DCAF8L2: variants seen among roughly 807,000 people sequenced by gnomAD.
DCAF8L2 encodes DDB1- and CUL4-associated factor 8-like protein 2.
For missense variants in DCAF8L2, 430 were observed against 490.7 expected (o/e 0.88, Z 1.17); for synonymous variants, 200 against 190.9 (o/e 1.05, Z -0.39).
At chrX:27,488,759 C>T in the DCAF8L2 span, among the ~76,000 whole-genome samples, 2 of 110,939 alleles carry the variant, frequency 1.8e-5, no homozygotes, top group African/African-American at 6.6e-5. Context: ...CAGGTTCGAG[C>T]TATCCTCTTT....
At chrX:27,667,198 A>C (rs1179469979) in intron 2 of DCAF8L2, among the ~76,000 whole-genome samples, 1 of 111,461 alleles carries the variant, frequency 9.0e-6, no homozygotes, top group Non-Finnish European at 1.9e-5. Flanking sequence ...TGCAGGTTTC[A>C]CCTGACAGAT....
intron 3 of DCAF8L2, among the ~76,000 whole-genome samples, chrX:27,691,280 C>G: frequency 9.0e-6 from 1 of 111,406 alleles, no homozygotes; most frequent in Non-Finnish European, 1.9e-5. Context: ...TTTTGTCTCA[C>G]TTATTTCTGA....
the DCAF8L2 span, among the ~76,000 whole-genome samples, chrX:27,533,180 A>AGAGAGAGAGAGAGAG: frequency 2.7e-3 from 50 of 18,633 alleles, 2 homozygotes; most frequent in East Asian, 0.015. Context: ...GAAAGAAAGA[A>AGAGAGAGAGAGAGAG]AGAAAGAAAG....
At chrX:27,490,571 C>T in the DCAF8L2 span, among the ~76,000 whole-genome samples, 82 of 110,607 alleles carry the variant, frequency 7.4e-4, no homozygotes, top group African/African-American at 2.1e-3. Context: ...AAGCAATTCT[C>T]CTGCCTCAGC....
chrX:27,688,058 A>C (rs1211502052), intron 3 of DCAF8L2, among the ~76,000 whole-genome samples: 1 of 111,840 alleles, frequency 8.9e-6, no homozygotes, highest in African/African-American at 3.2e-5. Context: ...AAAAGAGTGA[A>C]TTAATTATTG....
At chrX:27,687,269 A>G (rs778837593) in intron 3 of DCAF8L2, among the ~76,000 whole-genome samples, 2 of 112,331 alleles carry the variant, frequency 1.8e-5, no homozygotes, top group Non-Finnish European at 3.8e-5. Flanking sequence ...AGTAAAATAT[A>G]TTTATCAAAG....
chrX:27,625,628 G>C (rs994040589), intron 1 of DCAF8L2, among the ~76,000 whole-genome samples: 1 of 112,000 alleles, frequency 8.9e-6, no homozygotes, highest in African/African-American at 3.3e-5. Context: ...ATTAACAGTA[G>C]ACTGGATAAA....
the DCAF8L2 span, among the ~76,000 whole-genome samples, chrX:27,535,066 T>C: frequency 8.9e-6 from 1 of 112,383 alleles, no homozygotes; most frequent in Non-Finnish European, 1.9e-5. Flanking sequence ...AACTCTCTAG[T>C]CTTTACACTA....
chrX:27,629,494 T>TTC (rs1195068614), intron 1 of DCAF8L2, among the ~76,000 whole-genome samples: 2 of 108,118 alleles, frequency 1.8e-5, no homozygotes, highest in East Asian at 2.9e-4. Flanking sequence ...TTCCTTCCTT[T>TTC]TCTCTCTCTC....
intron 1 of DCAF8L2, chrX:27,627,356 A>G (rs929665825): frequency 2.7e-5 from 3 of 110,688 alleles, no homozygotes; most frequent in African/African-American, 9.9e-5. Context: ...AAACAGCTTT[A>G]CTGAAGTATA....
chrX:27,584,383 C>T, the DCAF8L2 span, among the ~76,000 whole-genome samples: 3 of 110,412 alleles, frequency 2.7e-5, no homozygotes, highest in African/African-American at 9.9e-5. Context: ...TATTATTCAC[C>T]CTTTCACAGA....
the DCAF8L2 span, among the ~76,000 whole-genome samples, chrX:27,528,084 T>C: frequency 1.7e-5 from 1 of 60,516 alleles, no homozygotes; most frequent in Non-Finnish European, 3.6e-5. Context: ...ATTAAATTAA[T>C]TATTAGACTA....
At chrX:27,602,419 TA>T (rs976283990) in intron 1 of DCAF8L2, among the ~76,000 whole-genome samples, 2 of 112,124 alleles carry the variant, frequency 1.8e-5, no homozygotes, top group Non-Finnish European at 3.8e-5. Flanking sequence ...TTTCTAATCT[TA>T]AAATTAAAGA....
chrX:27,721,543 G>A (rs1437231205), intron 4 of DCAF8L2, among the ~76,000 whole-genome samples: 2 of 110,876 alleles, frequency 1.8e-5, no homozygotes, highest in South Asian at 3.7e-4. Context: ...CTAATCTATG[G>A]AATAAAACAA....
At chrX:27,519,140 AAAG>A in the DCAF8L2 span, 1 of 1,139,395 alleles carries the variant, frequency 8.8e-7, no homozygotes, top group Admixed American at 2.2e-5. Context: ...GAAAAGAAGA[AAAG>A]AGAAATAGCA....
At chrX:27,710,991 C>T (rs1232693071) in intron 3 of DCAF8L2, among the ~76,000 whole-genome samples, 2 of 110,917 alleles carry the variant, frequency 1.8e-5, no homozygotes, top group South Asian at 3.7e-4. Context: ...TTCTGCATCT[C>T]GTAAAATGAC....
chrX:27,640,165 A>G (rs1253484660), intron 2 of DCAF8L2, among the ~76,000 whole-genome samples: 5 of 111,782 alleles, frequency 4.5e-5, no homozygotes, highest in Non-Finnish European at 9.4e-5. Context: ...AACTATCGCA[A>G]GGACAAAAAA....
chrX:27,557,925 G>A, the DCAF8L2 span, among the ~76,000 whole-genome samples: 2 of 111,705 alleles, frequency 1.8e-5, no homozygotes, highest in Non-Finnish European at 3.8e-5. Context: ...CTTAGATGAA[G>A]GAGGTTAGTG....
chrX:27,543,335 G>A, the DCAF8L2 span, among the ~76,000 whole-genome samples: 1 of 111,893 alleles, frequency 8.9e-6, no homozygotes, highest in Non-Finnish European at 1.9e-5. Flanking sequence ...CTATTCCATT[G>A]GTCTACATGT....
Sources: allele counts gnomAD v4.1 joint callset (sites outside exome capture counted in the v4.1 genomes callset), GRCh38; gene constraint gnomAD v4.1.1; transcripts MANE v1.5; gene names NCBI Gene and HGNC (gene_info 2026-07-23, HGNC 2026-07-21).